The following CNBD1 variants were observed in gnomAD, a reference collection of about 807,000 sequenced individuals.
The protein encoded by CNBD1 is cyclic nucleotide-binding domain-containing protein 1.
CNBD1 carries 71 observed loss-of-function variants against 54.4 expected under a neutral mutation model. That is an observed-to-expected ratio of 1.30 (90% confidence interval 1.08 to 1.59). The LOEUF (loss-of-function observed/expected upper bound fraction) is 1.59, where lower values mean the gene tolerates loss of function less well. Among genes scored for constraint, CNBD1 ranks in the 40% most tolerant of loss-of-function variants. CNBD1 has a pLI of 0.00. For missense variants in CNBD1, 659 were observed against 518.0 expected, an observed-to-expected ratio of 1.27 and a Z score of -2.64; for synonymous variants, 182 against 170.7, an observed-to-expected ratio of 1.07 and a Z score of -0.51.
intron 4 of CNBD1, among the ~76,000 whole-genome samples, chr8:87,184,771 C>A (rs142512463): frequency 1.3e-5 from 2 of 152,186 alleles, no homozygotes; most frequent in Non-Finnish European, 2.9e-5. Context: ...TTCTGAAGAT[C>A]TATTCAGAGT....
At chr8:86,889,657 A>C (rs2131790203) in intron 2 of CNBD1, among the ~76,000 whole-genome samples, 1 of 152,260 alleles carries the variant, frequency 6.6e-6, no homozygotes, top group East Asian at 1.9e-4. Flanking sequence ...GATAAAATAA[A>C]AAATTAATAA....
intron 6 of CNBD1, 53 bp from the exon 7 acceptor site, chr8:87,284,625 T>G: frequency 1.3e-6 from 2 of 1,499,332 alleles, no homozygotes; most frequent in South Asian, 1.3e-5. Flanking sequence ...TCACTGGCAT[T>G]TTCATGTTGA....
At chr8:87,145,060 A>G (rs1812454854) in intron 4 of CNBD1, among the ~76,000 whole-genome samples, 1 of 152,188 alleles carries the variant, frequency 6.6e-6, no homozygotes, top group African/African-American at 2.4e-5. Flanking sequence ...TTGCAAATAT[A>G]ATGGGTGATG....
chr8:87,348,935 G>A (rs562260691), intron 8 of CNBD1, among the ~76,000 whole-genome samples: 2 of 152,028 alleles, frequency 1.3e-5, no homozygotes, highest in African/African-American at 2.4e-5. Context: ...CTTTTCCTTT[G>A]CCTTAAGATA....
At chr8:86,873,970 T>C (rs13277363) in intron 1 of CNBD1, among the ~76,000 whole-genome samples, 18,542 of 152,210 alleles carry the variant, frequency 0.12, 1,347 homozygotes, top group African/African-American at 0.21. Flanking sequence ...AAAATTAACA[T>C]TGATACATTA....
At chr8:86,975,849 C>A (rs372212423) in intron 4 of CNBD1, among the ~76,000 whole-genome samples, 1 of 151,940 alleles carries the variant, frequency 6.6e-6, no homozygotes, top group African/African-American at 2.4e-5. Context: ...CCACCAGCAA[C>A]GTACAAGGAG....
intron 8 of CNBD1, among the ~76,000 whole-genome samples, chr8:87,333,196 T>A (rs1809871535): frequency 1.3e-5 from 2 of 152,212 alleles, no homozygotes; most frequent in African/African-American, 4.8e-5. Flanking sequence ...TGTATAGGAA[T>A]GCTTGTCATT....
At chr8:86,988,143 G>T (rs1311889515) in intron 4 of CNBD1, among the ~76,000 whole-genome samples, 1 of 134,354 alleles carries the variant, frequency 7.4e-6, no homozygotes, top group Non-Finnish European at 1.6e-5. Flanking sequence ...TGGTTGATAG[G>T]TTTTTTTTTT....
At chr8:87,238,897 C>T (rs1377639251) in intron 6 of CNBD1, among the ~76,000 whole-genome samples, 1 of 152,080 alleles carries the variant, frequency 6.6e-6, no homozygotes, top group Admixed American at 6.6e-5. Context: ...CTCCCAGCAG[C>T]AATCATCCTA....
chr8:87,424,156 C>T (rs1276750273), intron 2 of CNBD1, among the ~76,000 whole-genome samples: 1 of 151,572 alleles, frequency 6.6e-6, no homozygotes, highest in African/African-American at 2.4e-5. Flanking sequence ...ATCTATTTGA[C>T]TCTTCTCCCT....
intron 4 of CNBD1, among the ~76,000 whole-genome samples, chr8:87,119,956 G>T (rs1195164016): frequency 6.6e-6 from 1 of 151,828 alleles, no homozygotes; most frequent in Non-Finnish European, 1.5e-5. Context: ...TTATCTTTTT[G>T]ATGTACTGTT....
chr8:87,383,042 TA>T (rs993673153), downstream of CNBD1, among the ~76,000 whole-genome samples: 2 of 151,968 alleles, frequency 1.3e-5, no homozygotes, highest in East Asian at 1.9e-4. Context: ...CTTTTGGGAT[TA>T]AAAAAAATCT....
chr8:87,420,569 G>A (rs961757354), intron 2 of CNBD1, among the ~76,000 whole-genome samples: 1 of 152,004 alleles, frequency 6.6e-6, no homozygotes, highest in African/African-American at 2.4e-5. Flanking sequence ...TTGGATTCCT[G>A]TCACTTACAG....
intron 8 of CNBD1, among the ~76,000 whole-genome samples, chr8:87,291,602 A>G (rs1808787062): frequency 6.6e-6 from 1 of 152,010 alleles, no homozygotes; most frequent in Admixed American, 6.6e-5. Context: ...CGCGGTCTAA[A>G]GTTTTCCAAC....
At chr8:87,327,452 C>T (rs565748677) in intron 8 of CNBD1, among the ~76,000 whole-genome samples, 73 of 152,268 alleles carry the variant, frequency 4.8e-4, no homozygotes, top group African/African-American at 1.5e-3. Context: ...TAGCAATCAG[C>T]GAGATTCCGT....
At chr8:87,228,531 G>T (rs1028121282) in intron 5 of CNBD1, among the ~76,000 whole-genome samples, 6 of 150,172 alleles carry the variant, frequency 4.0e-5, no homozygotes, top group African/African-American at 1.3e-4. Context: ...CTGCTGGGGG[G>T]TGCCTCCCAG....
At chr8:87,084,282 A>C (rs1237497166) in intron 4 of CNBD1, among the ~76,000 whole-genome samples, 4 of 152,150 alleles carry the variant, frequency 2.6e-5, no homozygotes, top group Non-Finnish European at 5.9e-5. Context: ...AGAACTCTTC[A>C]TTTCTTTATT....
At chr8:86,973,737 CCAGA>C (rs1808275394) in intron 4 of CNBD1, among the ~76,000 whole-genome samples, 1 of 152,152 alleles carries the variant, frequency 6.6e-6, no homozygotes, top group Admixed American at 6.5e-5. Context: ...AGAGCTTAAA[CCAGA>C]CAGGGATTAA....
At chr8:87,402,775 A>G (rs1807588136) in intron 2 of CNBD1, among the ~76,000 whole-genome samples, 1 of 152,104 alleles carries the variant, frequency 6.6e-6, no homozygotes, top group South Asian at 2.1e-4. Flanking sequence ...AAAGACTGGT[A>G]CTCAGATATA....
Sources: gnomAD v4.1 joint callset for allele counts (sites outside exome capture counted in the v4.1 genomes callset) on GRCh38, gnomAD v4.1.1 for gene constraint, MANE v1.5 for transcripts, NCBI Gene and HGNC (gene_info 2026-07-23, HGNC 2026-07-21) for gene names.